TTC29: variants seen among roughly 807,000 people sequenced by gnomAD.
TTC29 encodes tetratricopeptide repeat protein 29.
A neutral mutation model predicts 58.1 loss-of-function variants in TTC29; 49 were observed. That is an observed-to-expected ratio of 0.84 (90% CI 0.67 to 1.07). The LOEUF (loss-of-function observed/expected upper bound fraction) is 1.07, where lower values mean the gene tolerates loss of function less well. Among genes scored for constraint, TTC29 ranks in the 50% least tolerant of loss-of-function variants. The pLI is 0.00. For missense variants in TTC29, 582 were observed against 555.6 expected (o/e 1.05, Z -0.48); for synonymous variants, 209 against 196.8 (o/e 1.06, Z -0.52).
intron 8 of TTC29, among the ~76,000 whole-genome samples, chr4:146,853,896 A>G (rs1269176943): frequency 6.6e-6 from 1 of 152,054 alleles, no homozygotes; most frequent in Non-Finnish European, 1.5e-5. Flanking sequence ...GCCAAGGGCT[A>G]CTCAGGCCAG....
At chr4:146,828,394 C>A (rs1402652288) in intron 9 of TTC29, among the ~76,000 whole-genome samples, 1 of 151,992 alleles carries the variant, frequency 6.6e-6, no homozygotes, top group African/African-American at 2.4e-5. Context: ...ATTTTTTACA[C>A]TCTTTCCTAG....
At chr4:146,822,483 C>T (rs942519225) in intron 9 of TTC29, among the ~76,000 whole-genome samples, 2 of 152,134 alleles carry the variant, frequency 1.3e-5, no homozygotes, top group Non-Finnish European at 2.9e-5. Flanking sequence ...TCCAGTCTAT[C>T]ATTGATGGGC....
At chr4:146,813,252 T>C (rs1751149046) in intron 10 of TTC29, among the ~76,000 whole-genome samples, 1 of 152,222 alleles carries the variant, frequency 6.6e-6, no homozygotes, top group Admixed American at 6.5e-5. Context: ...GGAACCACCA[T>C]TCTTTTTAAC....
intron 6 of TTC29, among the ~76,000 whole-genome samples, chr4:146,887,888 C>T (rs961296355): frequency 6.6e-6 from 1 of 151,990 alleles, no homozygotes; most frequent in Non-Finnish European, 1.5e-5. Flanking sequence ...AGCTACTGTT[C>T]TTCAAAGTGT....
intron 4 of TTC29, among the ~76,000 whole-genome samples, chr4:146,922,019 A>T (rs927847696): frequency 1.2e-4 from 18 of 149,432 alleles, no homozygotes; most frequent in African/African-American, 4.4e-4. Context: ...CTACAAAAAA[A>T]AAAAAAAAAA....
chr4:146,724,716 G>T (rs1021070706), intron 11 of TTC29, among the ~76,000 whole-genome samples: 1 of 151,996 alleles, frequency 6.6e-6, no homozygotes, highest in Non-Finnish European at 1.5e-5. Context: ...GTTTCACCAC[G>T]TTCGCCAGGC....
At chr4:146,931,442 T>C (rs1001748300) in intron 4 of TTC29, among the ~76,000 whole-genome samples, 26 of 152,146 alleles carry the variant, frequency 1.7e-4, no homozygotes, top group Non-Finnish European at 3.5e-4. Context: ...CTGAATTGAG[T>C]GTCGTCTACA....
At chr4:146,859,589 A>T (rs565321123) in intron 8 of TTC29, among the ~76,000 whole-genome samples, 41 of 152,208 alleles carry the variant, frequency 2.7e-4, no homozygotes, top group African/African-American at 8.9e-4. Flanking sequence ...AACAGTTATA[A>T]TTTTTCAGAG....
intron 4 of TTC29, among the ~76,000 whole-genome samples, chr4:146,935,222 A>G (rs1238525114): frequency 6.6e-6 from 1 of 152,078 alleles, no homozygotes. Context: ...ATTGGGAGGA[A>G]AGTCACAGCA....
chr4:146,853,054 T>C (rs1266208345), intron 8 of TTC29, among the ~76,000 whole-genome samples: 1 of 152,154 alleles, frequency 6.6e-6, no homozygotes, highest in African/African-American at 2.4e-5. Flanking sequence ...ATTTTTACCA[T>C]GAACAACCTA....
chr4:146,915,314 T>C (rs1734150235), intron 4 of TTC29, among the ~76,000 whole-genome samples: 1 of 152,122 alleles, frequency 6.6e-6, no homozygotes. Context: ...TTTGATGTTA[T>C]TTGACAATTA....
intron 4 of TTC29, among the ~76,000 whole-genome samples, chr4:146,925,768 G>T (rs1734890239): frequency 1.3e-5 from 2 of 152,138 alleles, no homozygotes; most frequent in Non-Finnish European, 2.9e-5. Flanking sequence ...CATGATTGCA[G>T]AACAACTGAG....
chr4:146,785,984 TACACACACACACAC>T (rs149100538), intron 11 of TTC29, among the ~76,000 whole-genome samples: 2 of 149,302 alleles, frequency 1.3e-5, no homozygotes, highest in Admixed American at 6.7e-5. Flanking sequence ...TATATATGTG[TACACACACACACAC>T]ACACACACAC....
intron 11 of TTC29, among the ~76,000 whole-genome samples, chr4:146,724,756 C>G (rs964986341): frequency 2.0e-5 from 3 of 152,078 alleles, no homozygotes; most frequent in African/African-American, 7.2e-5. Context: ...TCAGGTGATC[C>G]GCCTGCCTCG....
At chr4:146,734,695 A>G (rs947618185) in intron 11 of TTC29, among the ~76,000 whole-genome samples, 5 of 152,066 alleles carry the variant, frequency 3.3e-5, no homozygotes, top group Non-Finnish European at 7.4e-5. Context: ...AAACCAATAC[A>G]TTTGGTCACA....
chr4:146,917,382 C>A (rs1734294871), intron 4 of TTC29, among the ~76,000 whole-genome samples: 1 of 148,558 alleles, frequency 6.7e-6, no homozygotes, highest in South Asian at 2.1e-4. Context: ...TATGTTATGA[C>A]TAATCATATA....
intron 2 of TTC29, chr4:146,942,594 C>G: frequency 6.5e-7 from 1 of 1,533,044 alleles, no homozygotes; most frequent in East Asian, 2.4e-5. Flanking sequence ...TTCAGAGGAG[C>G]TGTGAAGACT....
chr4:146,919,513 TATC>T (rs1356186572), intron 4 of TTC29, among the ~76,000 whole-genome samples: 2 of 151,006 alleles, frequency 1.3e-5, no homozygotes, highest in Non-Finnish European at 3.0e-5. Flanking sequence ...TACATGTAAA[TATC>T]ATCATACTCA....
intron 6 of TTC29, among the ~76,000 whole-genome samples, chr4:146,901,273 A>G (rs561575142): frequency 6.6e-6 from 1 of 152,302 alleles, no homozygotes; most frequent in South Asian, 2.1e-4. Flanking sequence ...ATAGTAAGCC[A>G]TATCTCCCCA....
Sources: gnomAD v4.1 joint callset for allele counts (sites outside exome capture counted in the v4.1 genomes callset) on GRCh38, gnomAD v4.1.1 for gene constraint, MANE v1.5 for transcripts, NCBI Gene and HGNC (gene_info 2026-07-23, HGNC 2026-07-21) for gene names.